MPHOSPH9: variants seen among roughly 807,000 people sequenced by gnomAD.
The protein encoded by MPHOSPH9 is M-phase phosphoprotein 9.
In MPHOSPH9, 88 loss-of-function variants were observed where a neutral mutation model predicts 145.5. The observed-to-expected ratio is 0.60, with a 90% CI of 0.51 to 0.72. The LOEUF is 0.72. Among genes scored for constraint, MPHOSPH9 ranks in the 30% least tolerant of loss-of-function variants. MPHOSPH9 has a pLI of 0.00. For synonymous variants in MPHOSPH9, 435 were observed against 486.2 expected, an observed-to-expected ratio of 0.89 and a Z score of 1.39; for missense variants, 1,238 against 1,386.6, an observed-to-expected ratio of 0.89 and a Z score of 1.70.
intron 13 of MPHOSPH9, 30 bp downstream of exon 13, chr12:123,194,356 G>A (rs755981872): frequency 2.1e-5 from 28 of 1,354,166 alleles, no homozygotes; most frequent in South Asian, 1.0e-4. Context: ...AGCCAATCAC[G>A]TCATTAAGTT....
At position 123,171,748 on chromosome 12, in the gene MPHOSPH9, C is replaced by T. The variant is rs189676414; in HGVS notation, c.2456+4940G>A. 2.3e-4 allele frequency among the ~76,000 whole-genome samples: 35 copies of T among 151,058 alleles called. No homozygotes were observed. In the East Asian group the frequency reaches 6.6e-3, roughly 28 times the overall value. On this transcript the variant is annotated intron_variant, in intron 16 of 23. Coordinates refer to ENST00000606320, the MANE Select transcript of MPHOSPH9 (RefSeq NM_022782.4). ...TGGGTGACACAGCGAGACTCCATCT[C>T]AAAACAAACAAACAAACAAACAAAA...
intron 3 of MPHOSPH9, among the ~76,000 whole-genome samples, chr12:123,224,110 T>TTATA (rs147637276): frequency 0.022 from 2,602 of 120,330 alleles, 54 homozygotes; most frequent in South Asian, 0.072. Context: ...AATTGCTAAT[T>TTATA]TATATATATA....
Position 123,163,970 on chromosome 12 carries a change from T to C in MPHOSPH9, c.2888A>G (p.Asn963Ser), listed in dbSNP as rs920704277. 2.5e-6 allele frequency: 4 copies of C among 1,613,924 alleles called. No homozygotes were observed. The African/African-American group carries it at 4.0e-5, about 16-fold the overall frequency. ...SQRSSSLPPS[N>S]RKSSTPTKRE... ...CTTACTTGGAGTACTTGATTTACGA[T>C]TTGAAGGTGGTAAAGATGATGATCT... Residue 963 changes from asparagine (N) to serine (S), a missense_variant, in exon 19 of 24, where the codon AAT becomes AGT. By Grantham distance (46) the Asn-to-Ser change is conservative. This residue lies in a region of MPHOSPH9 where 393 missense variants were observed against 462.5 expected (regional missense o/e 0.85). Coordinates refer to ENST00000606320, the MANE Select transcript of MPHOSPH9 (RefSeq NM_022782.4).
intron 5 of MPHOSPH9, among the ~76,000 whole-genome samples, chr12:123,219,292 G>A (rs1269209392): frequency 6.6e-6 from 1 of 150,808 alleles, no homozygotes; most frequent in South Asian, 2.1e-4. Context: ...CAAAGGCAAA[G>A]TAAACAAAAA....
chr12:123,180,188 C>T (rs1341605221), intron 14 of MPHOSPH9, among the ~76,000 whole-genome samples, 198 bp from the exon 15 acceptor site: 1 of 152,210 alleles, frequency 6.6e-6, no homozygotes, highest in Non-Finnish European at 1.5e-5. Context: ...CTACACAAGT[C>T]CCTCTGTGTA....
At chr12:123,194,246 G>A (rs1052710190) in intron 13 of MPHOSPH9, 140 bp downstream of exon 13, 2 of 598,494 alleles carry the variant, frequency 3.3e-6, no homozygotes, top group Non-Finnish European at 5.6e-6. Flanking sequence ...TCCAGCCTGG[G>A]TGTCAGAGTG....
chr12:123,153,593 C>T (rs1164576578), downstream of MPHOSPH9, among the ~76,000 whole-genome samples: 1 of 151,938 alleles, frequency 6.6e-6, no homozygotes, highest in African/African-American at 2.4e-5. Context: ...ATGGTGAGAA[C>T]CCCGTCTCTA....
chr12:123,183,882 T>C (rs113125448), intron 13 of MPHOSPH9, among the ~76,000 whole-genome samples: 1 of 151,372 alleles, frequency 6.6e-6, no homozygotes, highest in Non-Finnish European at 1.5e-5. Context: ...AATAGTGGAG[T>C]GGGAGGCAGA....
chr12:123,182,261 G>GTTCTTTTTTTTTTTGA (rs1555220931), intron 13 of MPHOSPH9, among the ~76,000 whole-genome samples: 1 of 61,800 alleles, frequency 1.6e-5, no homozygotes, highest in East Asian at 4.0e-4. Flanking sequence ...TTTTTTTTTT[G>GTTCTTTTTTTTTTTGA]TTTTTTTTTT....
intron 13 of MPHOSPH9, among the ~76,000 whole-genome samples, chr12:123,182,402 T>A (rs1464275217): frequency 6.6e-6 from 1 of 150,862 alleles, no homozygotes; most frequent in Non-Finnish European, 1.5e-5. Flanking sequence ...TACAGGCGTA[T>A]GCCACCATGC....
intron 17 of MPHOSPH9, chr12:123,166,447 C>T (rs1014876511): frequency 1.6e-6 from 1 of 617,118 alleles, no homozygotes; most frequent in Non-Finnish European, 2.8e-6. Context: ...CCATACTGTG[C>T]CACTGAGCAC....
intron 1 of MPHOSPH9, among the ~76,000 whole-genome samples, chr12:123,241,983 C>A (rs528035235): frequency 2.0e-5 from 3 of 152,326 alleles, no homozygotes; most frequent in African/African-American, 7.2e-5. Flanking sequence ...AGTATGTTAT[C>A]CATCCTCAGC....
At chr12:123,168,821 C>T (rs934304224) in intron 16 of MPHOSPH9, among the ~76,000 whole-genome samples, 1 of 152,000 alleles carries the variant, frequency 6.6e-6, no homozygotes, top group Non-Finnish European at 1.5e-5. Flanking sequence ...TCCCCTTTCA[C>T]AACCAAACAT....
chr12:123,175,218 T>G (rs1053774427), intron 16 of MPHOSPH9, among the ~76,000 whole-genome samples: 1 of 151,640 alleles, frequency 6.6e-6, no homozygotes, highest in African/African-American at 2.4e-5. Context: ...TGGCGCAATC[T>G]CGACTCACTG....
rs1166392845 is a variant in MPHOSPH9 at position 123,202,996 on chromosome 12, T to C, written c.1409A>G (p.Asp470Gly). The C allele has an allele frequency of 6.2e-7, 1 of 1,614,080 alleles. No individual in the cohort carries two copies. The highest frequency in any genetic ancestry group is 2.2e-5 in the East Asian group (1 of 44,908). The change falls in exon 10 of 24, where the codon GAC becomes GGC. Residue 470 changes from aspartate (D) to glycine (G), a missense_variant. Around this residue, in one of 3 missense-constraint regions of MPHOSPH9, gnomAD observed 837 missense variants for 897.5 expected, o/e 0.93. Coordinates refer to ENST00000606320, the MANE Select transcript of MPHOSPH9 (RefSeq NM_022782.4). ...QPHGLPNALDDRISFSPDSVL... is the reference protein window; with the variant it reads ...QPHGLPNALDGRISFSPDSVL... ...AGAGTCCGGGGAAAAGGATATTCTG[T>C]CATCAAGGGCATTCGGAAGGCCGTG...
chr12:123,174,654 G>A (rs1306681241), intron 16 of MPHOSPH9, among the ~76,000 whole-genome samples: 1 of 152,008 alleles, frequency 6.6e-6, no homozygotes. Flanking sequence ...TTACAGGCGT[G>A]AGCCACCGCA....
At chr12:123,194,924 A>G (rs2045878527) in intron 12 of MPHOSPH9, among the ~76,000 whole-genome samples, 1 of 152,070 alleles carries the variant, frequency 6.6e-6, no homozygotes, top group Non-Finnish European at 1.5e-5. Flanking sequence ...GCCCAGCCCA[A>G]AATTTATTTT....
chr12:123,226,479 G>T (rs2047439557), intron 3 of MPHOSPH9: 3 of 224,872 alleles, frequency 1.3e-5, no homozygotes, highest in Non-Finnish European at 2.4e-5. Context: ...CCTTAGGAAA[G>T]TCTATCTTGA....
chr12:123,158,913 G>C (rs1055449157), intron 23 of MPHOSPH9, among the ~76,000 whole-genome samples: 7 of 151,756 alleles, frequency 4.6e-5, no homozygotes, highest in Non-Finnish European at 1.0e-4. Flanking sequence ...TTACAGGCAT[G>C]AGCCACTGTT....
Sources: gnomAD v4.1 joint callset for allele counts (sites outside exome capture counted in the v4.1 genomes callset) on GRCh38, gnomAD v4.1.1 for gene constraint, gnomAD v4.1.1 regional missense constraint, MANE v1.5 for transcripts, NCBI Gene and HGNC (gene_info 2026-07-23, HGNC 2026-07-21) for gene names.